Variants in KLRG1 observed in about 807,000 individuals in gnomAD.
KLRG1 encodes killer cell lectin like receptor G1.
Under a neutral mutation model 21.8 loss-of-function variants are expected in KLRG1, and 16 were observed. The ratio of observed to expected loss-of-function variants is 0.73; its 90% confidence interval spans 0.50 to 1.11. The LOEUF (loss-of-function observed/expected upper bound fraction) is 1.11. Among genes scored for constraint, KLRG1 ranks in the 50% most tolerant of loss-of-function variants. The pLI, the probability that KLRG1 is intolerant of heterozygous loss-of-function variation, is 0.00. For missense variants in KLRG1, 173 were observed against 218.3 expected (o/e 0.79, Z 1.31); for synonymous variants, 69 against 75.9 (o/e 0.91, Z 0.47).
At chr12:9,106,549 C>G in the KLRG1 span, 1 of 1,598,052 alleles carries the variant, frequency 6.3e-7, no homozygotes, top group Non-Finnish European at 8.5e-7. Flanking sequence ...ACTCCTTCCT[C>G]TTCAGCTGGA....
the KLRG1 span, among the ~76,000 whole-genome samples, chr12:9,147,994 A>C: frequency 3.3e-5 from 5 of 152,014 alleles, no homozygotes; most frequent in African/African-American, 9.7e-5. Context: ...CTCTTCTCAA[A>C]TACTTGATTT....
the KLRG1 span, chr12:9,113,395 C>T: frequency 6.2e-7 from 1 of 1,613,720 alleles, no homozygotes; most frequent in Admixed American, 1.7e-5. Flanking sequence ...TCATTCTCCG[C>T]CTCCAGGTCA....
chr12:9,200,805 A>AT, the KLRG1 span: 1 of 1,385,666 alleles, frequency 7.2e-7, no homozygotes, highest in South Asian at 1.4e-5. Flanking sequence ...CAAGTTCAAC[A>AT]TATCTACAGG....
chr12:9,145,028 T>G, the KLRG1 span, among the ~76,000 whole-genome samples: 1 of 152,244 alleles, frequency 6.6e-6, no homozygotes, highest in Non-Finnish European at 1.5e-5. Flanking sequence ...ATGGGATATC[T>G]TTTTCATCCC....
At chr12:9,170,936 A>G in the KLRG1 span, among the ~76,000 whole-genome samples, 1 of 152,190 alleles carries the variant, frequency 6.6e-6, no homozygotes. The surrounding 1 kb of genome is among the most constrained non-coding windows in gnomAD (Gnocchi z 4.6). Flanking sequence ...GCTTTGGAGA[A>G]TACAGGTGAT....
At chr12:8,976,304 C>A (rs1246143989) in intron 1 of KLRG1, among the ~76,000 whole-genome samples, 1 of 151,996 alleles carries the variant, frequency 6.6e-6, no homozygotes, top group Admixed American at 6.6e-5. Flanking sequence ...TATTTCATTC[C>A]ATTGTAATTG....
chr12:9,056,611 CTT>C, the KLRG1 span, among the ~76,000 whole-genome samples: 1 of 151,882 alleles, frequency 6.6e-6, no homozygotes, highest in Admixed American at 6.6e-5. Context: ...GGGTCTCACT[CTT>C]TCACTCACTG....
the KLRG1 span, chr12:9,152,722 T>C: frequency 8.1e-7 from 1 of 1,241,420 alleles, no homozygotes. Context: ...CAATTCTAAA[T>C]TATATTAATC....
the KLRG1 span, chr12:9,202,295 A>G: frequency 6.2e-7 from 1 of 1,601,178 alleles, no homozygotes. Flanking sequence ...CCCACAACCC[A>G]AACCACAGAT....
the KLRG1 span, chr12:9,080,009 T>C: frequency 2.0e-6 from 2 of 992,492 alleles, no homozygotes; most frequent in Non-Finnish European, 2.9e-6. Context: ...AATTATAGTA[T>C]TATTTTTAGT....
intron 3 of KLRG1, among the ~76,000 whole-genome samples, chr12:9,006,632 A>T (rs1592281509): frequency 6.6e-6 from 1 of 152,180 alleles, no homozygotes; most frequent in African/African-American, 2.4e-5. Context: ...GGGAGAGAAA[A>T]GTTGGATGAT....
At chr12:9,163,923 A>G in the KLRG1 span, 1 of 1,289,832 alleles carries the variant, frequency 7.8e-7, no homozygotes, top group Non-Finnish European at 1.1e-6. Flanking sequence ...AGGTTAATGT[A>G]TACTAAGTAG....
At chr12:9,089,811 G>A in the KLRG1 span, 5 of 902,142 alleles carry the variant, frequency 5.5e-6, no homozygotes, top group African/African-American at 6.9e-5. Context: ...AGAGATACAT[G>A]AGAATAATAT....
At chr12:9,032,539 A>G in the KLRG1 span, among the ~76,000 whole-genome samples, 1 of 152,186 alleles carries the variant, frequency 6.6e-6, no homozygotes, top group Non-Finnish European at 1.5e-5. Context: ...CCTCTCCTAA[A>G]ACTAAACCAC....
intron 1 of KLRG1, among the ~76,000 whole-genome samples, chr12:8,954,635 A>T (rs1310953725): frequency 6.6e-6 from 1 of 152,162 alleles, no homozygotes; most frequent in Non-Finnish European, 1.5e-5. Context: ...TTGAAAAACC[A>T]AGATGTGATT....
At chr12:9,196,308 T>C in the KLRG1 span, 1 of 1,534,100 alleles carries the variant, frequency 6.5e-7, no homozygotes, top group South Asian at 1.1e-5. Flanking sequence ...TTTGCTTACC[T>C]GTGCATTACA....
At chr12:9,200,272 C>T in the KLRG1 span, 2 of 802,944 alleles carry the variant, frequency 2.5e-6, no homozygotes, top group Non-Finnish European at 3.8e-6. Flanking sequence ...TACAAAAGTG[C>T]TGAGGCAAAG....
the KLRG1 span, among the ~76,000 whole-genome samples, chr12:9,053,971 TC>T: frequency 6.6e-6 from 1 of 152,120 alleles, no homozygotes; most frequent in Non-Finnish European, 1.5e-5. Flanking sequence ...CTCCTCACCC[TC>T]CATGATCCCC....
chr12:9,028,196 G>C, the KLRG1 span: 3 of 588,934 alleles, frequency 5.1e-6, no homozygotes, highest in African/African-American at 2.0e-5. Flanking sequence ...TTGTCACCTA[G>C]GCTGGAATGC....
Sources: gnomAD v4.1 joint callset for allele counts (sites outside exome capture counted in the v4.1 genomes callset) on GRCh38, gnomAD v4.1.1 for gene constraint, Gnocchi (gnomAD v3.1) non-coding constraint, MANE v1.5 for transcripts, NCBI Gene and HGNC (gene_info 2026-07-23, HGNC 2026-07-21) for gene names.